ZMYM4: variants seen among roughly 807,000 people sequenced by gnomAD.
ZMYM4 encodes zinc finger MYM-type protein 4.
In ZMYM4, 31 loss-of-function variants were observed where a neutral mutation model predicts 183.2. That is an observed-to-expected ratio of 0.17 (90% CI 0.13 to 0.23). ZMYM4 has a LOEUF of 0.23. Among genes scored for constraint, ZMYM4 ranks in the 10% least tolerant of loss-of-function variants. The pLI is 1.00. For missense variants in ZMYM4, 1,273 were observed against 1,840.3 expected, an observed-to-expected ratio of 0.69 and a Z score of 5.64; for synonymous variants, 592 against 631.2, an observed-to-expected ratio of 0.94 and a Z score of 0.93.
intron 2 of ZMYM4, among the ~76,000 whole-genome samples, chr1:35,352,029 C>T (rs1246496145): frequency 6.6e-6 from 1 of 152,146 alleles, no homozygotes; most frequent in Admixed American, 6.5e-5. Flanking sequence ...ACTCACTGCT[C>T]TTTATTAGAG....
chr1:35,350,380 C>G (rs914441822), intron 2 of ZMYM4, among the ~76,000 whole-genome samples: 3 of 152,114 alleles, frequency 2.0e-5, no homozygotes, highest in African/African-American at 7.2e-5. Context: ...CCTCTACCTC[C>G]CAGGTTCAAG....
At chr1:35,297,931 G>C (rs948795504) in intron 1 of ZMYM4, among the ~76,000 whole-genome samples, 4 of 152,210 alleles carry the variant, frequency 2.6e-5, no homozygotes, top group African/African-American at 9.7e-5. Context: ...AATATGGAAA[G>C]TTTAACATAA....
At chr1:35,369,252 G>T (rs1023110372) in intron 5 of ZMYM4, among the ~76,000 whole-genome samples, 1 of 152,120 alleles carries the variant, frequency 6.6e-6, no homozygotes, top group African/African-American at 2.4e-5. Context: ...GAATGCAATT[G>T]TATAATTGTA....
At chr1:35,419,445 C>CT (rs113288221) in intron 29 of ZMYM4, 25 bp from the exon 30 acceptor site, 33,298 of 1,009,614 alleles carry the variant, frequency 0.033, no homozygotes, top group South Asian at 0.045. Context: ...TCTTTTTTCT[C>CT]TTTTTTTTTT....
chr1:35,302,859 G>A (rs139515132), intron 1 of ZMYM4, among the ~76,000 whole-genome samples: 117 of 152,036 alleles, frequency 7.7e-4, no homozygotes, highest in African/African-American at 1.9e-3. Context: ...TAAAAAGAGA[G>A]CCTGATGTGG....
intron 1 of ZMYM4, among the ~76,000 whole-genome samples, chr1:35,277,798 T>G (rs1325364610): frequency 6.6e-6 from 1 of 152,152 alleles, no homozygotes; most frequent in Non-Finnish European, 1.5e-5. Flanking sequence ...AAAAATGAAT[T>G]GATGCCCGCC....
intron 9 of ZMYM4, among the ~76,000 whole-genome samples, chr1:35,384,841 C>CTTTTTTTT (rs748891728): frequency 1.7e-4 from 22 of 127,400 alleles, no homozygotes; most frequent in East Asian, 4.3e-4. Flanking sequence ...TTTTCTTTTT[C>CTTTTTTTT]TTTTTTTTTT....
intron 5 of ZMYM4, among the ~76,000 whole-genome samples, chr1:35,363,528 T>C (rs758379257): frequency 3.3e-5 from 5 of 152,124 alleles, no homozygotes; most frequent in Admixed American, 1.3e-4. Flanking sequence ...ATTGCAGAGG[T>C]TGGTGATTCA....
At chr1:35,390,277 G>C (rs1247737658) in intron 15 of ZMYM4, among the ~76,000 whole-genome samples, 179 bp downstream of exon 15, 1 of 152,068 alleles carries the variant, frequency 6.6e-6, no homozygotes, top group Admixed American at 6.6e-5. Flanking sequence ...ACTGTCGTCC[G>C]TGTGAAGAGA....
intron 1 of ZMYM4, among the ~76,000 whole-genome samples, chr1:35,272,475 G>C (rs1639663141): frequency 6.6e-6 from 1 of 152,072 alleles, no homozygotes. Context: ...TGGACATCTT[G>C]TGACCTCTAC....
rs555455452 is a variant in ZMYM4, at chr1:35,355,190, C to T, written c.86-3735C>T. Among the ~76,000 whole-genome samples the T allele has an allele frequency of 5.6e-5, 8 of 143,894 alleles. No homozygotes were observed. In the South Asian group the frequency reaches 9.2e-4, roughly 17 times the overall value. 94.4% of individuals were successfully genotyped at this position (143,894 alleles called of 152,430 possible). On this transcript the variant is annotated intron_variant, in intron 2 of 29. Coordinates refer to ENST00000314607, the MANE Select transcript of ZMYM4 (RefSeq NM_005095.3). Reference sequence around the variant, plus strand: ...CTGGGACTACAGGTGCCCGTCACCACGCCTGGCTTCTTTTTTTTTTTTTTT... The same window carrying T: ...CTGGGACTACAGGTGCCCGTCACCATGCCTGGCTTCTTTTTTTTTTTTTTT...
At chr1:35,313,224 G>A (rs1296625265) in intron 1 of ZMYM4, among the ~76,000 whole-genome samples, 1 of 151,630 alleles carries the variant, frequency 6.6e-6, no homozygotes, top group African/African-American at 2.4e-5. Context: ...TATTAGGTAC[G>A]GGGTTTCACC....
At chr1:35,291,287 C>CT (rs1004456418) in intron 1 of ZMYM4, among the ~76,000 whole-genome samples, 47 of 150,516 alleles carry the variant, frequency 3.1e-4, no homozygotes, top group East Asian at 1.4e-3. Context: ...TTTTCACTTT[C>CT]TTTTTTTTTG....
At chr1:35,365,808 G>A (rs546507694) in intron 5 of ZMYM4, among the ~76,000 whole-genome samples, 4 of 152,122 alleles carry the variant, frequency 2.6e-5, no homozygotes, top group African/African-American at 9.6e-5. Context: ...TTAGTATTTG[G>A]CTACTCATTG....
intron 2 of ZMYM4, among the ~76,000 whole-genome samples, chr1:35,326,927 T>G (rs1284113329): frequency 6.6e-6 from 1 of 152,228 alleles, no homozygotes; most frequent in African/African-American, 2.4e-5. Context: ...TGGCGTGATC[T>G]AGGCTCACTG....
At chr1:35,390,980 C>T (rs1644692715) in intron 15 of ZMYM4, among the ~76,000 whole-genome samples, 1 of 152,016 alleles carries the variant, frequency 6.6e-6, no homozygotes, top group African/African-American at 2.4e-5. Flanking sequence ...GTGGAGTGAG[C>T]GGTGACCACA....
intron 9 of ZMYM4, among the ~76,000 whole-genome samples, chr1:35,382,418 C>T (rs1217581942): frequency 6.7e-6 from 1 of 150,126 alleles, no homozygotes; most frequent in Non-Finnish European, 1.5e-5. Flanking sequence ...TGTTTATACA[C>T]GTTTATGCAT....
intron 1 of ZMYM4, among the ~76,000 whole-genome samples, chr1:35,325,039 T>C (rs1270859752): frequency 1.3e-5 from 2 of 152,196 alleles, no homozygotes; most frequent in Admixed American, 6.5e-5. Context: ...TAAGTTCTTA[T>C]GAAGCGTTAG....
In ZMYM4 at chr1:35,396,504, A is replaced by AT. The variant is rs747023635; in HGVS notation, c.2912-45dup. The AT allele has an allele frequency of 1.8e-5, 29 of 1,601,348 alleles. No homozygotes were observed. The East Asian group carries it at 4.2e-4, about 23-fold the overall frequency. On this transcript the variant is annotated intron_variant, in intron 18 of 29. Coordinates refer to ENST00000314607, the MANE Select transcript of ZMYM4 (RefSeq NM_005095.3). ...TTTTATTTTGAAATCTTATGAAAGC[A>AT]TTTCTAACCCTCTTTGCTTTTTGTG... is the stretch of plus-strand genomic sequence containing the variant.
Sources: allele counts gnomAD v4.1 joint callset (sites outside exome capture counted in the v4.1 genomes callset), GRCh38; gene constraint gnomAD v4.1.1; transcripts MANE v1.5; gene names NCBI Gene and HGNC (gene_info 2026-07-23, HGNC 2026-07-21).